The following RAB33A variants were observed in gnomAD, a reference collection of about 807,000 sequenced individuals.
RAB33A encodes ras-related protein Rab-33A.
A neutral mutation model predicts 12.0 loss-of-function variants in RAB33A; 6 were observed. The observed-to-expected ratio is 0.50, with a 90% CI of 0.27 to 0.99. RAB33A has a LOEUF of 0.99. RAB33A is among the 50% of genes least tolerant of loss of function. The probability of loss-of-function intolerance (pLI) is 0.11; values close to 1 mark genes in which losing one functional copy is unlikely to be tolerated. For synonymous variants in RAB33A, 70 were observed against 82.4 expected, an observed-to-expected ratio of 0.85 and a Z score of 0.81; for missense variants, 109 against 192.0, an observed-to-expected ratio of 0.57 and a Z score of 2.55.
upstream of RAB33A, among the ~76,000 whole-genome samples, chrX:130,168,997 G>A (rs932094047): frequency 6.4e-5 from 7 of 109,949 alleles, no homozygotes; most frequent in Non-Finnish European, 9.5e-5. Context: ...CACGAGGTCC[G>A]GAGATCGAGA....
the RAB33A span, among the ~76,000 whole-genome samples, chrX:130,163,173 G>A: frequency 9.1e-6 from 1 of 110,053 alleles, no homozygotes; most frequent in African/African-American, 3.3e-5. Context: ...AGCCCGGCGT[G>A]GTGGTGCATG....
the RAB33A span, among the ~76,000 whole-genome samples, chrX:130,114,629 C>T: frequency 1.4e-3 from 160 of 112,039 alleles, 1 homozygote; most frequent in African/African-American, 4.5e-3. Flanking sequence ...TCCTTCCAGC[C>T]CTGCTTCCCC....
At chrX:130,180,472 T>G (rs1396747847) in intron 1 of RAB33A, among the ~76,000 whole-genome samples, 2 of 111,054 alleles carry the variant, frequency 1.8e-5, no homozygotes, top group African/African-American at 6.5e-5. Context: ...TTTTTTATTT[T>G]GAGATGGAGT....
intron 1 of RAB33A, among the ~76,000 whole-genome samples, chrX:130,176,269 G>A (rs909697875): frequency 1.8e-5 from 2 of 110,868 alleles, no homozygotes; most frequent in Non-Finnish European, 3.8e-5. Flanking sequence ...GCCGAATAGG[G>A]GTGTGTGTGT....
At chrX:130,121,247 CTTTTCT>C in the RAB33A span, among the ~76,000 whole-genome samples, 1 of 106,166 alleles carries the variant, frequency 9.4e-6, no homozygotes, top group African/African-American at 3.5e-5. Context: ...TTTTTCTTTT[CTTTTCT>C]TTTTTTTTTT....
chrX:130,122,054 T>C, the RAB33A span, among the ~76,000 whole-genome samples: 1 of 112,157 alleles, frequency 8.9e-6, no homozygotes, highest in Non-Finnish European at 1.9e-5. Context: ...TCACTGGCCC[T>C]TTCTCCTGGA....
chrX:130,151,480 A>G, the RAB33A span, among the ~76,000 whole-genome samples: 1 of 111,728 alleles, frequency 9.0e-6, no homozygotes, highest in Non-Finnish European at 1.9e-5. Context: ...ACTTCCTTCC[A>G]GAACAGCCCA....
upstream of RAB33A, among the ~76,000 whole-genome samples, chrX:130,170,774 C>T (rs1236512146): frequency 8.9e-6 from 1 of 112,673 alleles, no homozygotes; most frequent in African/African-American, 3.2e-5. Flanking sequence ...TCCCAACTCC[C>T]TCTGAAACTC....
chrX:130,131,514 A>G, the RAB33A span, among the ~76,000 whole-genome samples: 2 of 111,995 alleles, frequency 1.8e-5, no homozygotes, highest in South Asian at 3.7e-4. Flanking sequence ...ATCTCAGACC[A>G]CTAAAGAGTG....
chrX:130,140,673 G>A, the RAB33A span: 1 of 909,189 alleles, frequency 1.1e-6, no homozygotes, highest in Non-Finnish European at 1.6e-6. Flanking sequence ...CATTGAAAAA[G>A]TTTTATTGAG....
the RAB33A span, among the ~76,000 whole-genome samples, chrX:130,142,211 G>A: frequency 8.9e-6 from 1 of 111,830 alleles, no homozygotes; most frequent in Non-Finnish European, 1.9e-5. Flanking sequence ...TGCAGGTAGC[G>A]CTGGGAACAT....
chrX:130,111,350 C>A, the RAB33A span, among the ~76,000 whole-genome samples: 7 of 112,889 alleles, frequency 6.2e-5, no homozygotes, highest in African/African-American at 2.2e-4. Context: ...TTTCGTCCAG[C>A]CCCCTCGGCC....
chrX:130,113,580 C>T, the RAB33A span, among the ~76,000 whole-genome samples: 1 of 110,343 alleles, frequency 9.1e-6, no homozygotes, highest in Non-Finnish European at 1.9e-5. Flanking sequence ...TACGCCACCA[C>T]ACCTGGCTAA....
chrX:130,156,569 T>G, the RAB33A span: 153 of 1,209,356 alleles, frequency 1.3e-4, no homozygotes, highest in Non-Finnish European at 1.7e-4. Flanking sequence ...TCATCTGGAG[T>G]TCTAGAGGAA....
chrX:130,116,644 A>C, the RAB33A span, among the ~76,000 whole-genome samples: 1 of 112,047 alleles, frequency 8.9e-6, no homozygotes, highest in Non-Finnish European at 1.9e-5. Flanking sequence ...CTCCTCACTT[A>C]ACTCCTTGGC....
At chrX:130,168,169 C>A (rs1313403219), upstream of RAB33A, among the ~76,000 whole-genome samples, 2 of 109,246 alleles carry the variant, frequency 1.8e-5, no homozygotes, top group Admixed American at 9.8e-5. Flanking sequence ...AGAGCGAGAC[C>A]CTATTTCAAA....
the RAB33A span, among the ~76,000 whole-genome samples, chrX:130,124,715 G>A: frequency 1.8e-5 from 2 of 112,689 alleles, no homozygotes; most frequent in South Asian, 3.6e-4. Context: ...GAAAGAAGGC[G>A]CCCCATGGGG....
chrX:130,132,073 T>C, the RAB33A span, among the ~76,000 whole-genome samples: 2 of 111,518 alleles, frequency 1.8e-5, no homozygotes, highest in East Asian at 2.8e-4. Flanking sequence ...GGTTTTACCA[T>C]GTTGGCCAGG....
chrX:130,130,857 TCCAAATAATAC>T, the RAB33A span, among the ~76,000 whole-genome samples: 3 of 112,155 alleles, frequency 2.7e-5, no homozygotes, highest in Admixed American at 2.8e-4. Context: ...ACCACCAGCC[TCCAAATAATAC>T]TGTCCAGTCG....
Sources: allele counts gnomAD v4.1 joint callset (sites outside exome capture counted in the v4.1 genomes callset), GRCh38; gene constraint gnomAD v4.1.1; transcripts MANE v1.5; gene names NCBI Gene and HGNC (gene_info 2026-07-23, HGNC 2026-07-21).